Variants in CPNE4 observed in about 807,000 individuals in gnomAD.
CPNE4 encodes copine 4, also known as copine-4.
Under a neutral mutation model 67.9 loss-of-function variants are expected in CPNE4, and 25 were observed. The ratio of observed to expected loss-of-function variants is 0.37; its 90% confidence interval spans 0.27 to 0.51. The LOEUF (loss-of-function observed/expected upper bound fraction) is 0.51, where lower values mean the gene tolerates loss of function less well. Among genes scored for constraint, CPNE4 ranks in the 20% least tolerant of loss-of-function variants. The pLI is 0.93. For synonymous variants in CPNE4, 242 were observed against 244.9 expected (o/e 0.99, Z 0.11); for missense variants, 464 against 690.8 (o/e 0.67, Z 3.68).
chr3:131,984,716 A>G (rs998804319), intron 1 of CPNE4, among the ~76,000 whole-genome samples: 3 of 152,218 alleles, frequency 2.0e-5, no homozygotes, highest in Non-Finnish European at 4.4e-5. Flanking sequence ...GCTCATATAC[A>G]TGGAAGGTTG....
chr3:131,909,983 G>T (rs1383278828), intron 1 of CPNE4, among the ~76,000 whole-genome samples: 1 of 152,044 alleles, frequency 6.6e-6, no homozygotes, highest in Non-Finnish European at 1.5e-5. Context: ...TTTGAAGCTG[G>T]GAAATGGGCA....
intron 10 of CPNE4, among the ~76,000 whole-genome samples, chr3:131,566,021 C>G (rs6778122): frequency 0.11 from 17,175 of 151,846 alleles, 2,129 homozygotes; most frequent in African/African-American, 0.31. Flanking sequence ...CATAGGGTAA[C>G]AGGGCTTGGA....
At chr3:131,981,424 C>T (rs1404228953) in intron 1 of CPNE4, among the ~76,000 whole-genome samples, 3 of 151,958 alleles carry the variant, frequency 2.0e-5, no homozygotes, top group Middle Eastern at 3.4e-3. Context: ...TGTATGTAGG[C>T]GGATTATGGC....
At chr3:131,782,027 T>G (rs2083442786) in intron 2 of CPNE4, among the ~76,000 whole-genome samples, 1 of 151,982 alleles carries the variant, frequency 6.6e-6, no homozygotes, top group African/African-American at 2.4e-5. Flanking sequence ...CGTGAGAATA[T>G]GAGATAATTA....
intron 2 of CPNE4, among the ~76,000 whole-genome samples, chr3:131,901,769 T>C (rs1291132625): frequency 6.6e-6 from 1 of 152,064 alleles, no homozygotes; most frequent in African/African-American, 2.4e-5. Context: ...CTTTTGTCCC[T>C]GTCACCCAGA....
intron 7 of CPNE4, among the ~76,000 whole-genome samples, chr3:131,609,360 C>T (rs975035852): frequency 1.1e-4 from 16 of 152,134 alleles, no homozygotes; most frequent in African/African-American, 3.6e-4. Context: ...ATTTCCTAGC[C>T]ATTTGACTAG....
At chr3:131,823,836 G>GA (rs1198415779) in intron 2 of CPNE4, among the ~76,000 whole-genome samples, 28 of 152,118 alleles carry the variant, frequency 1.8e-4, no homozygotes, top group Admixed American at 1.5e-3. Flanking sequence ...TTATTTAAAT[G>GA]AAAAAAATGG....
At chr3:131,952,351 G>C (rs2071766025) in intron 1 of CPNE4, among the ~76,000 whole-genome samples, 1 of 149,824 alleles carries the variant, frequency 6.7e-6, no homozygotes, top group African/African-American at 2.5e-5. Context: ...GAGAAGTGAG[G>C]AGCCCCTCCG....
At chr3:131,627,269 G>A (rs1166160169) in intron 7 of CPNE4, among the ~76,000 whole-genome samples, 1 of 151,928 alleles carries the variant, frequency 6.6e-6, no homozygotes, top group Non-Finnish European at 1.5e-5. Context: ...GCTATAAATG[G>A]AAGAATAAAG....
At chr3:131,708,995 T>TATATACATAC (rs1366246304) in intron 3 of CPNE4, among the ~76,000 whole-genome samples, 1 of 109,116 alleles carries the variant, frequency 9.2e-6, no homozygotes, top group Non-Finnish European at 1.8e-5. Flanking sequence ...TATATATATA[T>TATATACATAC]ACATACACAC....
Position 131,666,275 on chromosome 3 carries a change from A to G in CPNE4, c.681+3400T>C, listed in dbSNP as rs1055469292. Among the ~76,000 whole-genome samples the G allele has an allele frequency of 1.1e-4, 16 of 152,282 alleles. 1 individual carries two copies. The highest frequency in any genetic ancestry group is 6.5e-4 in the Admixed American group (10 of 15,282). ...TAATATAATTATAAGGCAAAATTAA[A>G]TTTGAAAAAATATCTAAAAATTGAA... On this transcript the variant is annotated intron_variant, in intron 7 of 15. Transcript: ENST00000429747.
chr3:131,723,374 A>G, intron 3 of CPNE4, 72 bp downstream of exon 3: 1 of 1,332,986 alleles, frequency 7.5e-7, no homozygotes, highest in Non-Finnish European at 1.1e-6. Flanking sequence ...TAGATGAAGG[A>G]AGAGAGGGAA....
intron 2 of CPNE4, among the ~76,000 whole-genome samples, chr3:131,872,095 A>G (rs1038097634): frequency 1.3e-5 from 2 of 152,166 alleles, no homozygotes; most frequent in Non-Finnish European, 2.9e-5. Flanking sequence ...AGTGTGACAG[A>G]AGTGCATGAC....
At chr3:131,985,428 T>C (rs1452457649) in intron 1 of CPNE4, among the ~76,000 whole-genome samples, 1 of 152,212 alleles carries the variant, frequency 6.6e-6, no homozygotes, top group Non-Finnish European at 1.5e-5. Flanking sequence ...TTAGTGCATT[T>C]CTGTTTTATG....
At chr3:131,608,413 G>A (rs1939630497) in intron 7 of CPNE4, among the ~76,000 whole-genome samples, 1 of 152,100 alleles carries the variant, frequency 6.6e-6, no homozygotes, top group Non-Finnish European at 1.5e-5. Flanking sequence ...AATTGAGTGG[G>A]GAAGCTGAGT....
intron 7 of CPNE4, among the ~76,000 whole-genome samples, chr3:131,607,760 T>G (rs963890087): frequency 6.6e-6 from 1 of 152,162 alleles, no homozygotes; most frequent in Non-Finnish European, 1.5e-5. Flanking sequence ...TCAAATACAT[T>G]TGGATTACCC....
At chr3:131,997,331 AC>A (rs2073319633) in intron 1 of CPNE4, among the ~76,000 whole-genome samples, 1 of 152,074 alleles carries the variant, frequency 6.6e-6, no homozygotes. Context: ...CACTGTAGAG[AC>A]TGGTCTTCAC....
intron 3 of CPNE4, among the ~76,000 whole-genome samples, chr3:131,714,188 G>C (rs1393558): frequency 0.75 from 113,368 of 151,984 alleles, 42,776 homozygotes; most frequent in Non-Finnish European, 0.82. Flanking sequence ...AGTTTGGGTA[G>C]CACCCTCAGC....
At chr3:131,762,947 C>A (rs1189060888) in intron 2 of CPNE4, among the ~76,000 whole-genome samples, 1 of 150,636 alleles carries the variant, frequency 6.6e-6, no homozygotes, top group East Asian at 1.9e-4. Flanking sequence ...AGTAACTAGA[C>A]CAACCCCACT....
Sources: gnomAD v4.1 joint callset for allele counts (sites outside exome capture counted in the v4.1 genomes callset) on GRCh38, gnomAD v4.1.1 for gene constraint, MANE v1.5 for transcripts, NCBI Gene and HGNC (gene_info 2026-07-23, HGNC 2026-07-21) for gene names.